CDK5RAP1: variants seen among roughly 807,000 people sequenced by gnomAD.
The protein encoded by CDK5RAP1 is CDK5RAP1 mitochondrial tRNA methylthiotransferase, also known as mitochondrial tRNA methylthiotransferase CDK5RAP1.
A neutral mutation model predicts 64.5 loss-of-function variants in CDK5RAP1; 62 were observed. That is an observed-to-expected ratio of 0.96 (90% CI 0.78 to 1.19). The LOEUF (loss-of-function observed/expected upper bound fraction) is 1.19. Ranked by LOEUF, CDK5RAP1 falls within the 50% of genes most tolerant of loss-of-function variation. The pLI is 0.00. For missense variants in CDK5RAP1, 657 were observed against 735.0 expected, an observed-to-expected ratio of 0.89 and a Z score of 1.23; for synonymous variants, 250 against 261.9, an observed-to-expected ratio of 0.95 and a Z score of 0.44.
chr20:33,369,033 G>A (rs567263673), intron 11 of CDK5RAP1, among the ~76,000 whole-genome samples: 3 of 152,130 alleles, frequency 2.0e-5, no homozygotes, highest in East Asian at 3.9e-4. Context: ...CCAGCTACTC[G>A]GGAGGCTGAG....
At chr20:33,363,765 TGTACACATTA>T (rs1332473367) in intron 12 of CDK5RAP1, among the ~76,000 whole-genome samples, 3 of 152,066 alleles carry the variant, frequency 2.0e-5, no homozygotes, top group African/African-American at 7.2e-5. Context: ...CAGGCGTGGT[TGTACACATTA>T]TAGTACCAGC....
At chr20:33,400,994 C>G (rs1989358764) in intron 1 of CDK5RAP1, among the ~76,000 whole-genome samples, 1 of 152,182 alleles carries the variant, frequency 6.6e-6, no homozygotes, top group Non-Finnish European at 1.5e-5. Flanking sequence ...TTGCATAACG[C>G]AATGTAGAAG....
At chr20:33,369,238 C>T (rs1398334188) in intron 11 of CDK5RAP1, among the ~76,000 whole-genome samples, 1 of 152,036 alleles carries the variant, frequency 6.6e-6, no homozygotes, top group Non-Finnish European at 1.5e-5. Flanking sequence ...AATCCCAGCA[C>T]TTTGGGAGGC....
intron 9 of CDK5RAP1, chr20:33,373,100 C>G (rs545875690): frequency 1.1e-5 from 2 of 187,734 alleles, no homozygotes; most frequent in Admixed American, 6.3e-5. Context: ...GTCTGTGTGT[C>G]TGTATGTGTG....
rs141007321 is a variant in CDK5RAP1 at position 33,382,333 on chromosome 20, A to G, written c.877-2642T>C. Among the ~76,000 whole-genome samples, 1,487 of 152,340 alleles carry G rather than the reference A, an allele frequency of 9.8e-3. 16 individuals are homozygous for G. Among genetic ancestry groups the G allele is most frequent in the African/African-American group, 0.033 (1,370 of 41,582 alleles). The stretch of plus-strand genomic sequence containing the variant: ...GAACTCCGAATAAGGATGAACTGGA[A>G]TGAGACAGTATTTAGCAATTTTTGT... On this transcript the variant is annotated intron_variant, in intron 7 of 13. Transcript: ENST00000346416.
At chr20:33,394,836 A>T (rs562229433) in intron 3 of CDK5RAP1, among the ~76,000 whole-genome samples, 177 bp downstream of exon 3, 5 of 152,324 alleles carry the variant, frequency 3.3e-5, no homozygotes, top group African/African-American at 1.2e-4. Context: ...ACATCACCAT[A>T]AAAGTTTCAA....
intron 10 of CDK5RAP1, among the ~76,000 whole-genome samples, chr20:33,371,201 G>C (rs1600724313): frequency 6.6e-6 from 1 of 152,302 alleles, no homozygotes; most frequent in Admixed American, 6.5e-5. Context: ...GCTGAGGTGG[G>C]AGGATCACCT....
At chr20:33,379,715 A>C (rs1253014006) in intron 7 of CDK5RAP1, 24 bp from the exon 8 acceptor site, 3 of 1,550,272 alleles carry the variant, frequency 1.9e-6, no homozygotes, top group Non-Finnish European at 2.7e-6. Flanking sequence ...AATATATTGG[A>C]ATTTTAAAAC....
At chr20:33,378,551 C>T (rs1282653626) in intron 8 of CDK5RAP1, among the ~76,000 whole-genome samples, 1 of 152,100 alleles carries the variant, frequency 6.6e-6, no homozygotes, top group Non-Finnish European at 1.5e-5. Flanking sequence ...TGCCACAAAC[C>T]TTCCATTTGT....
chr20:33,382,644 G>A (rs555332975), intron 7 of CDK5RAP1, among the ~76,000 whole-genome samples: 110 of 152,268 alleles, frequency 7.2e-4, no homozygotes, highest in Non-Finnish European at 1.2e-3. Context: ...TCGTGCCATT[G>A]CACTCCAGCA....
chr20:33,379,802 A>G, intron 7 of CDK5RAP1, 111 bp from the exon 8 acceptor site: 1 of 790,730 alleles, frequency 1.3e-6, no homozygotes, highest in Non-Finnish European at 2.0e-6. Flanking sequence ...AACAAAAGAA[A>G]AATCGAACCT....
intron 8 of CDK5RAP1, 111 bp downstream of exon 8, chr20:33,379,350 C>A (rs947708271): frequency 1.4e-6 from 1 of 718,522 alleles, no homozygotes. Flanking sequence ...AGCAATACCC[C>A]ACAGGATCCC....
intron 7 of CDK5RAP1, among the ~76,000 whole-genome samples, chr20:33,384,587 T>C (rs1358659260): frequency 1.3e-5 from 2 of 152,074 alleles, no homozygotes; most frequent in East Asian, 1.9e-4. Context: ...GTGAGGATGA[T>C]AGCAAACTGG....
chr20:33,393,085 G>A (rs1371612340), intron 4 of CDK5RAP1, among the ~76,000 whole-genome samples: 1 of 151,958 alleles, frequency 6.6e-6, no homozygotes, highest in Non-Finnish European at 1.5e-5. Flanking sequence ...TCACTATGTT[G>A]GCCAGACTGG....
intron 1 of CDK5RAP1, among the ~76,000 whole-genome samples, chr20:33,400,290 G>A (rs1398112354): frequency 6.6e-6 from 1 of 152,202 alleles, no homozygotes; most frequent in Non-Finnish European, 1.5e-5. Flanking sequence ...GAGCAGATGT[G>A]GCCCATTACC....
intron 5 of CDK5RAP1, among the ~76,000 whole-genome samples, chr20:33,388,879 G>T (rs1234522771): frequency 1.3e-5 from 2 of 152,116 alleles, no homozygotes; most frequent in Non-Finnish European, 2.9e-5. Context: ...TGCCAGCCTC[G>T]GCCTCCTGAG....
intron 5 of CDK5RAP1, among the ~76,000 whole-genome samples, chr20:33,391,777 G>A (rs1014625894): frequency 5.3e-5 from 8 of 151,740 alleles, no homozygotes; most frequent in Middle Eastern, 3.4e-3. Context: ...CCAAGATCTC[G>A]CCATTGCACT....
intron 5 of CDK5RAP1, among the ~76,000 whole-genome samples, chr20:33,389,959 G>C (rs1455928821): frequency 1.4e-5 from 2 of 145,006 alleles, no homozygotes; most frequent in East Asian, 2.0e-4. Context: ...TTTTTACAAC[G>C]GAGTATTACT....
chr20:33,372,815 C>G (rs558014156), intron 9 of CDK5RAP1, 118 bp from the exon 10 acceptor site: 1 of 667,148 alleles, frequency 1.5e-6, no homozygotes, highest in Admixed American at 2.6e-5. Flanking sequence ...CATGGCAGGG[C>G]ACACGAGTAA....
Sources: allele counts gnomAD v4.1 joint callset (sites outside exome capture counted in the v4.1 genomes callset), GRCh38; gene constraint gnomAD v4.1.1; transcripts MANE v1.5; gene names NCBI Gene and HGNC (gene_info 2026-07-23, HGNC 2026-07-21).